Variants in SVEP1 observed in about 807,000 individuals in gnomAD.
SVEP1 encodes sushi, von Willebrand factor type A, EGF and pentraxin domain containing 1, also known as sushi, von Willebrand factor type A, EGF and pentraxin domain-containing protein 1.
Under a neutral mutation model 367.3 loss-of-function variants are expected in SVEP1, and 164 were observed. The ratio of observed to expected loss-of-function variants is 0.45; its 90% CI spans 0.39 to 0.51. SVEP1 has a LOEUF of 0.51. Among genes scored for constraint, SVEP1 ranks in the 20% least tolerant of loss-of-function variants. The probability of loss-of-function intolerance (pLI) is 0.00; values close to 1 mark genes in which losing one functional copy is unlikely to be tolerated. For missense variants in SVEP1, 4,117 were observed against 4,425.3 expected, an observed-to-expected ratio of 0.93 and a Z score of 1.98; for synonymous variants, 1,666 against 1,611.6, an observed-to-expected ratio of 1.03 and a Z score of -0.81.
rs2118927191 is a variant in SVEP1, at chr9:110,365,374, T to C, written c.*1165A>G. On this transcript the variant is annotated 3_prime_UTR_variant, in exon 48 of 48. Coordinates refer to ENST00000374469, the MANE Select transcript of SVEP1 (RefSeq NM_153366.4). ...AATGGCTGAGGGATGCCTACGGTAG[T>C]GAAGAGAACCACTAGGAGAATCAAG... 6.6e-6 allele frequency: 1 copy of C among 152,310 alleles called. No homozygotes were observed. Among genetic ancestry groups the C allele is most frequent in the African/African-American group, 2.4e-5 (1 of 41,572 alleles). The allele number at this position is 152,310 out of a possible 1,614,324, so 9.4% of individuals were successfully genotyped here.
In SVEP1 at chr9:110,538,647, C is replaced by A. The variant is rs560921187; in HGVS notation, c.964+7468G>T. 1.1e-4 allele frequency among the ~76,000 whole-genome samples: 17 copies of A among 152,158 alleles called. No individual in the cohort carries two copies. The East Asian group carries it at 3.3e-3, about 29-fold the overall frequency. On this transcript the variant is annotated intron_variant, in intron 3 of 47. Coordinates refer to ENST00000374469, the MANE Select transcript of SVEP1 (RefSeq NM_153366.4). ...GAAAATAATATAGCTGGAGCTTTGG[C>A]TCAAGTTATCTGGCCTTCAGCCTTG...
At chr9:110,376,355 A>C (rs879023944) in intron 45 of SVEP1, among the ~76,000 whole-genome samples, 1 of 152,210 alleles carries the variant, frequency 6.6e-6, no homozygotes, top group Admixed American at 6.5e-5. Context: ...TCTTGACATA[A>C]GGGCAGGCTA....
rs984591057 is a variant in SVEP1, at chr9:110,408,115, G to A, written c.7485C>T (p.Ala2495=). ...HWLGGKPTCK[A]IECLKPKEIL... ...TCTCCTTGGGTTTCAGGCACTCAAT[G>A]GCTTTACATGTTGGTTTTCCTCCAA... Residue 2495 remains alanine, a synonymous_variant, in exon 38 of 48, where the codon GCC becomes GCT. Transcript: ENST00000374469. 6.2e-7 allele frequency: 1 copy of A among 1,613,834 alleles called. No homozygotes were observed. Among genetic ancestry groups the A allele is most frequent in the African/African-American group, 1.3e-5 (1 of 75,050 alleles).
intron 30 of SVEP1, among the ~76,000 whole-genome samples, chr9:110,433,017 G>A (rs540540504): frequency 5.3e-5 from 8 of 152,022 alleles, no homozygotes; most frequent in East Asian, 1.9e-4. Flanking sequence ...GTGAGTTCTC[G>A]TGAGATCTGG....
intron 18 of SVEP1, among the ~76,000 whole-genome samples, chr9:110,460,992 A>AC (rs1472602972): frequency 6.6e-6 from 1 of 151,098 alleles, no homozygotes; most frequent in Non-Finnish European, 1.5e-5. Context: ...TCCCTTTACC[A>AC]CCCCTACTTG....
rs528479217 is a variant in SVEP1 at position 110,486,794 on chromosome 9, G to A, written c.1930+2856C>T. ...TGAATAGCTGAGAATACAGGTGTGCGCCACCACACACAGCTAATTTTTGTA... is the reference window on the plus strand; with the variant it reads ...TGAATAGCTGAGAATACAGGTGTGCACCACCACACACAGCTAATTTTTGTA... On this transcript the variant is annotated intron_variant, in intron 9 of 47. Transcript: ENST00000374469. Among the ~76,000 whole-genome samples the A allele has an allele frequency of 1.3e-4, 20 of 151,964 alleles. No homozygotes were observed. The South Asian group carries it at 2.9e-3, about 22-fold the overall frequency.
intron 43 of SVEP1, among the ~76,000 whole-genome samples, chr9:110,382,056 T>C (rs943037853): frequency 2.0e-5 from 3 of 152,134 alleles, no homozygotes; most frequent in African/African-American, 7.2e-5. Context: ...GTCTTTTAAG[T>C]GGGGCATTTA....
chr9:110,570,248 C>A (rs972421341), intron 1 of SVEP1, among the ~76,000 whole-genome samples: 1 of 152,180 alleles, frequency 6.6e-6, no homozygotes, highest in Non-Finnish European at 1.5e-5. Context: ...TCAATGTAGA[C>A]ATGTCTTCAC....
At chr9:110,535,400 T>C (rs1365355966) in intron 3 of SVEP1, among the ~76,000 whole-genome samples, 1 of 152,190 alleles carries the variant, frequency 6.6e-6, no homozygotes, top group Non-Finnish European at 1.5e-5. Context: ...ACCAGTACCA[T>C]GCTATTTTGG....
Position 110,465,924 on chromosome 9 carries a change from G to C in SVEP1, c.3263C>G (p.Ser1088Trp). The change falls in exon 18 of 48, where the codon TCG (serine) becomes TGG (tryptophan). Residue 1088 changes from serine (S) to tryptophan (W), a missense_variant. By Grantham distance (177) the Ser-to-Trp change is radical (BLOSUM62 -3). Transcript: ENST00000374469. ...QPKFGSRSCL[S>W]CPENTSTVKR... ...CACAGTTGAGGTGTTTTCTGGACAC[G>C]AGAGGCAGCTCCGGGAACCAAATTT... 1 of 1,612,922 alleles carries C rather than the reference G, an allele frequency of 6.2e-7. No individual in the cohort carries two copies.
At chr9:110,495,296 A>G (rs1197338076) in intron 8 of SVEP1, among the ~76,000 whole-genome samples, 2 of 152,152 alleles carry the variant, frequency 1.3e-5, no homozygotes, top group South Asian at 2.1e-4. Context: ...GTTGCCTTAC[A>G]TGGTAAAAGG....
chr9:110,575,755 C>T (rs1472441188), intron 1 of SVEP1, among the ~76,000 whole-genome samples: 1 of 151,814 alleles, frequency 6.6e-6, no homozygotes, highest in Non-Finnish European at 1.5e-5. Context: ...AGGGTTAATA[C>T]CATTAAGATT....
rs1353581168 is a variant in SVEP1, at chr9:110,408,791, A to G, written c.6809T>C (p.Ile2270Thr). 1.2e-6 allele frequency: 2 copies of G among 1,613,158 alleles called. No individual in the cohort carries two copies. The highest frequency in any genetic ancestry group is 1.6e-4 in the Middle Eastern group (1 of 6,084). The change falls in exon 38 of 48, where the codon ATC becomes ACC. Residue 2270 changes from isoleucine to threonine, a missense_variant. Transcript: ENST00000374469. ...VPLDCGKPPP[I>T]QNGFMKGENF... Reference sequence around the variant, plus strand: ...TTCTCCTTTCATGAAGCCATTCTGGATCGGGGGAGGTTTTCCACAGTCGAG... The same window carrying G: ...TTCTCCTTTCATGAAGCCATTCTGGGTCGGGGGAGGTTTTCCACAGTCGAG...
intron 3 of SVEP1, among the ~76,000 whole-genome samples, chr9:110,543,348 T>C (rs187372302): frequency 8.5e-5 from 13 of 152,276 alleles, no homozygotes; most frequent in Admixed American, 2.6e-4. Context: ...AGCTGAGGCT[T>C]ACTAATTTAA....
rs61616981 is a variant in SVEP1, at chr9:110,427,302, C to CAA, written c.5975+287_5975+288dup. 2.3e-3 allele frequency among the ~76,000 whole-genome samples: 189 copies of CAA among 81,696 alleles called. 1 individual carries two copies. The highest frequency in any genetic ancestry group is 7.4e-3 in the Middle Eastern group (1 of 136). 53.6% of individuals were successfully genotyped at this position (81,696 alleles called of 152,430 possible). ...AAGGTGATAGAGCAAGACTCTGTCTCAAAAAAAAAAAAAAAAAAAAAAAGT... is the reference window on the plus strand; with the variant it reads ...AAGGTGATAGAGCAAGACTCTGTCTCAAAAAAAAAAAAAAAAAAAAAAAAAGT... On this transcript the variant is annotated intron_variant, in intron 36 of 47. Coordinates refer to ENST00000374469, the MANE Select transcript of SVEP1 (RefSeq NM_153366.4).
intron 36 of SVEP1, among the ~76,000 whole-genome samples, chr9:110,412,347 TCTC>T (rs1159612364): frequency 6.6e-6 from 1 of 152,178 alleles, no homozygotes; most frequent in Non-Finnish European, 1.5e-5. Flanking sequence ...GTCTCCAATG[TCTC>T]CTAAGCCTTT....
Position 110,458,577 on chromosome 9 carries a change from G to GA in SVEP1, c.3485-16dup. Reference sequence around the variant, plus strand: ...TGAACTAAAACCTAATCAATTAATAGAAAAACATGTCAGTGTGGCAAATAT... The same window carrying GA: ...TGAACTAAAACCTAATCAATTAATAGAAAAAACATGTCAGTGTGGCAAATAT... On this transcript the variant is annotated splice_polypyrimidine_tract_variant and intron_variant, in intron 19 of 47. Coordinates refer to ENST00000374469, the MANE Select transcript of SVEP1 (RefSeq NM_153366.4). 1.3e-6 allele frequency: 2 copies of GA among 1,598,698 alleles called. No individual in the cohort carries two copies. The highest frequency in any genetic ancestry group is 1.7e-6 in the Non-Finnish European group (2 of 1,172,056).
At chr9:110,575,409 G>A (rs1830615303) in intron 1 of SVEP1, among the ~76,000 whole-genome samples, 1 of 152,174 alleles carries the variant, frequency 6.6e-6, no homozygotes, top group Admixed American at 6.5e-5. Context: ...TGATGCAGCA[G>A]GGTTCTTCCT....
intron 39 of SVEP1, among the ~76,000 whole-genome samples, chr9:110,403,296 G>GTTTTTTTTTTTTTTTTTTTTTTTTTT (rs71371665): frequency 2.3e-5 from 1 of 43,454 alleles, no homozygotes; most frequent in East Asian, 6.9e-4. Flanking sequence ...CGCCACCGCC[G>GTTTTTTTTTTTTTTTTTTTTTTTTTT]TTTTTTTTTT....
Sources: allele counts gnomAD v4.1 joint callset (sites outside exome capture counted in the v4.1 genomes callset), GRCh38; gene constraint gnomAD v4.1.1; transcripts MANE v1.5; gene names NCBI Gene and HGNC (gene_info 2026-07-23, HGNC 2026-07-21).